SMAD4: variants seen among roughly 807,000 people sequenced by gnomAD.
The protein encoded by SMAD4 is SMAD family member 4.
Under a neutral mutation model 63.2 loss-of-function variants are expected in SMAD4, and 7 were observed. The observed-to-expected ratio is 0.11, with a 90% CI of 0.06 to 0.21. SMAD4 has a LOEUF of 0.21. Among genes scored for constraint, SMAD4 ranks in the 10% least tolerant of loss-of-function variants. The pLI is 1.00. For missense variants in SMAD4, 312 were observed against 693.8 expected, an observed-to-expected ratio of 0.45 and a Z score of 6.18; for synonymous variants, 215 against 235.4, an observed-to-expected ratio of 0.91 and a Z score of 0.79.
intron 1 of SMAD4, among the ~76,000 whole-genome samples, chr18:51,040,932 A>C (rs1431405165): frequency 6.6e-6 from 1 of 152,166 alleles, no homozygotes; most frequent in Non-Finnish European, 1.5e-5. Context: ...CCTGCTTTTA[A>C]ATTTTTTAAT....
intron 8 of SMAD4, among the ~76,000 whole-genome samples, chr18:51,062,452 G>A (rs910314694): frequency 6.6e-6 from 1 of 151,646 alleles, no homozygotes; most frequent in African/African-American, 2.4e-5. Context: ...CTACTGTCCT[G>A]CTTTTTATGG....
At position 51,081,547 on chromosome 18, in the gene SMAD4, C is replaced by A. The variant is rs1325708898; in HGVS notation, c.*3080C>A. 1 of 231,970 alleles carries A rather than the reference C, an allele frequency of 4.3e-6. No individual in the cohort carries two copies. The highest frequency in any genetic ancestry group is 2.2e-5 in the African/African-American group (1 of 45,274). 14.4% of individuals were successfully genotyped at this position (231,970 alleles called of 1,614,324 possible). A position where few individuals can be genotyped will look rare whatever the true frequency, so the allele number is the denominator to read the frequency against. On this transcript the variant is annotated 3_prime_UTR_variant, in exon 12 of 12. Transcript: ENST00000342988. ...AAATAGGTTGCCTATACCATTCCTCCTGTGAACAGTGCAGATTTACAGGTT... is the reference window on the plus strand; with the variant it reads ...AAATAGGTTGCCTATACCATTCCTCATGTGAACAGTGCAGATTTACAGGTT...
At chr18:51,049,486 C>G in intron 4 of SMAD4, 162 bp downstream of exon 4, 1 of 631,916 alleles carries the variant, frequency 1.6e-6, no homozygotes, top group Non-Finnish European at 2.9e-6. Context: ...GCATTTAAAA[C>G]TGGATTTAAA....
intron 4 of SMAD4, chr18:51,051,381 T>G: frequency 2.2e-6 from 1 of 456,262 alleles, no homozygotes; most frequent in Non-Finnish European, 4.4e-6. Flanking sequence ...TCACAGCTCC[T>G]TCTAGATTTG....
chr18:51,080,421 G>C lies in SMAD4; in HGVS notation c.*1954G>C, dbSNP rs1910583975. 4.3e-6 allele frequency: 1 copy of C among 230,684 alleles called. No homozygotes were observed. Among genetic ancestry groups the C allele is most frequent in the Admixed American group, 5.6e-5 (1 of 17,712 alleles). The allele number at this position is 230,684 out of a possible 1,614,324, so 14.3% of individuals were successfully genotyped here. On this transcript the variant is annotated 3_prime_UTR_variant, in exon 12 of 12. Transcript: ENST00000342988. ...GTTTTATAAAAAGACATCTTCTCTA[G>C]AAATTGCTAACTTTAGGTCCATTTT...
chr18:51,057,523 G>A (rs951717022), intron 5 of SMAD4, among the ~76,000 whole-genome samples: 3 of 152,176 alleles, frequency 2.0e-5, no homozygotes, highest in Non-Finnish European at 2.9e-5. Context: ...AAATTTGAAA[G>A]TAGACTGATA....
rs2144406474 is a variant in SMAD4, at chr18:51,048,880, A to G, written c.424+20A>G. On this transcript the variant is annotated intron_variant, in intron 3 of 11. Transcript: ENST00000342988. ...GAATTGGTAAGTAGACTTTGCTTTC[A>G]TCCTAAGAAACATAAAGGGAAAAGG... 6.2e-7 allele frequency: 1 copy of G among 1,600,928 alleles called. No individual in the cohort carries two copies. Among genetic ancestry groups the G allele is most frequent in the Non-Finnish European group, 8.5e-7 (1 of 1,169,650 alleles).
rs186818064 is a variant in SMAD4, at chr18:51,061,795, G to A, written c.955+1879G>A. On this transcript the variant is annotated intron_variant, in intron 8 of 11. Coordinates refer to ENST00000342988, the MANE Select transcript of SMAD4 (RefSeq NM_005359.6). Reference sequence around the variant, plus strand: ...AAGGTTTTTAAAACATAAACACAGCGCCCATAATGATTAATTCAAAGGGTC... The same window carrying A: ...AAGGTTTTTAAAACATAAACACAGCACCCATAATGATTAATTCAAAGGGTC... Among the ~76,000 whole-genome samples the A allele has an allele frequency of 1.8e-3, 268 of 152,150 alleles. 3 individuals are homozygous for A. Among genetic ancestry groups the A allele is most frequent in the Middle Eastern group, 3.4e-3 (1 of 294 alleles).
intron 1 of SMAD4, among the ~76,000 whole-genome samples, chr18:51,040,865 A>G (rs1909359101): frequency 6.6e-6 from 1 of 152,228 alleles, no homozygotes; most frequent in Non-Finnish European, 1.5e-5. Context: ...CCTTTCAGAT[A>G]GGCCTAACTT....
intron 8 of SMAD4, among the ~76,000 whole-genome samples, chr18:51,060,922 C>T (rs1021664275): frequency 2.0e-5 from 3 of 151,232 alleles, no homozygotes; most frequent in African/African-American, 4.9e-5. Flanking sequence ...TATTTTTTTC[C>T]GAGATGGGAT....
chr18:51,049,519 C>CCTG, intron 4 of SMAD4, 195 bp downstream of exon 4: 1 of 568,142 alleles, frequency 1.8e-6, no homozygotes, highest in Admixed American at 3.2e-5. Flanking sequence ...TTGGCTATTG[C>CCTG]TCTTTGTATT....
chr18:51,056,883 A>C (rs985612807), intron 5 of SMAD4, among the ~76,000 whole-genome samples: 1 of 152,178 alleles, frequency 6.6e-6, no homozygotes, highest in Non-Finnish European at 1.5e-5. Flanking sequence ...TGTAAATTAA[A>C]ATAATTTATC....
At chr18:51,050,408 G>C (rs1294706420) in intron 4 of SMAD4, among the ~76,000 whole-genome samples, 1 of 151,102 alleles carries the variant, frequency 6.6e-6, no homozygotes, top group Admixed American at 6.6e-5. Flanking sequence ...TCCTGTAATC[G>C]CAGCACTTTG....
Position 51,079,232 on chromosome 18 carries a change from T to G in SMAD4, c.*765T>G, listed in dbSNP as rs1910547036. The G allele has an allele frequency of 8.6e-6, 2 of 232,966 alleles. 1 individual carries two copies. Among genetic ancestry groups the G allele is most frequent in the South Asian group, 3.6e-4 (2 of 5,528 alleles). The allele number at this position is 232,966 out of a possible 1,614,324, so 14.4% of individuals were successfully genotyped here. Reference sequence around the variant, plus strand: ...TTTCCCCTGTTAAACAGTAGTTGTATTCTTCTGTATTTCTAGGCACAAGGT... The same window carrying G: ...TTTCCCCTGTTAAACAGTAGTTGTAGTCTTCTGTATTTCTAGGCACAAGGT... On this transcript the variant is annotated 3_prime_UTR_variant, in exon 12 of 12. Coordinates refer to ENST00000342988, the MANE Select transcript of SMAD4 (RefSeq NM_005359.6).
At chr18:51,066,824 G>GTAAA in intron 9 of SMAD4, 195 bp from the exon 10 acceptor site, 1 of 562,830 alleles carries the variant, frequency 1.8e-6, no homozygotes, top group East Asian at 3.1e-5. Context: ...AGTAAGTGTT[G>GTAAA]TAAATATGTG....
rs751763157 is a variant in SMAD4 at position 51,054,783 on chromosome 18, C to T, written c.457C>T (p.Pro153Ser). Residue 153 changes from proline (P) to serine (S), a missense_variant and splice_region_variant, in exon 5 of 12, where the codon CCA becomes TCA. Coordinates refer to ENST00000342988, the MANE Select transcript of SMAD4 (RefSeq NM_005359.6). ...AATATGTTTAATTTTCTATATAGCT[C>T]CATCAAGTATGATGGTGAAGGATGA... ...LSGLTLQSNA[P>S]SSMMVKDEYV... is the part of the protein sequence containing the mutation. 2.5e-6 allele frequency: 4 copies of T among 1,606,512 alleles called. No individual in the cohort carries two copies. The highest frequency in any genetic ancestry group is 1.7e-5 in the Admixed American group (1 of 59,978).
intron 10 of SMAD4, among the ~76,000 whole-genome samples, chr18:51,071,981 C>T (rs983065868): frequency 1.3e-5 from 2 of 152,210 alleles, no homozygotes; most frequent in African/African-American, 4.8e-5. Context: ...TAGTGCTCCA[C>T]ACACATTTTG....
chr18:51,041,195 C>A (rs1308717910), intron 1 of SMAD4, among the ~76,000 whole-genome samples: 2 of 152,298 alleles, frequency 1.3e-5, no homozygotes, highest in South Asian at 2.1e-4. Context: ...TAATACAAAT[C>A]TAATGCTGTT....
At chr18:51,037,858 A>C (rs934638009) in intron 1 of SMAD4, among the ~76,000 whole-genome samples, 1 of 152,220 alleles carries the variant, frequency 6.6e-6, no homozygotes, top group Non-Finnish European at 1.5e-5. Flanking sequence ...GAGAACATTT[A>C]TAGCCAGTGC....
Sources: allele counts gnomAD v4.1 joint callset (sites outside exome capture counted in the v4.1 genomes callset), GRCh38; gene constraint gnomAD v4.1.1; transcripts MANE v1.5; gene names NCBI Gene and HGNC (gene_info 2026-07-23, HGNC 2026-07-21).